The following LGSN variants were observed in gnomAD, a reference collection of about 807,000 sequenced individuals.
LGSN encodes the protein lengsin.
In LGSN, 21 loss-of-function variants were observed where a neutral mutation model predicts 19.5. The ratio of observed to expected loss-of-function variants is 1.07; its 90% CI spans 0.76 to 1.55. The LOEUF is 1.55. Among genes scored for constraint, LGSN ranks in the 40% most tolerant of loss-of-function variants. The pLI is 0.00. For synonymous variants in LGSN, 257 were observed against 215.6 expected, an observed-to-expected ratio of 1.19 and a Z score of -1.68; for missense variants, 673 against 608.5, an observed-to-expected ratio of 1.11 and a Z score of -1.12.
chr6:63,470,429 G>A, the LGSN span, among the ~76,000 whole-genome samples: 7 of 149,846 alleles, frequency 4.7e-5, no homozygotes, highest in Non-Finnish European at 1.0e-4. Context: ...AGCAGAGATC[G>A]CACCACTGCA....
At chr6:63,339,530 C>A in the LGSN span, among the ~76,000 whole-genome samples, 6 of 152,252 alleles carry the variant, frequency 3.9e-5, no homozygotes, top group East Asian at 1.2e-3. Flanking sequence ...ATGGAATATT[C>A]TTTTCCTTCC....
chr6:63,370,007 AAG>A, the LGSN span, among the ~76,000 whole-genome samples: 1 of 117,888 alleles, frequency 8.5e-6, no homozygotes, highest in African/African-American at 5.9e-5. Context: ...GTATCCAAAA[AAG>A]AAGAAGAAGA....
chr6:63,477,743 A>T, the LGSN span, among the ~76,000 whole-genome samples: 1 of 108,950 alleles, frequency 9.2e-6, no homozygotes, highest in Non-Finnish European at 1.7e-5. Flanking sequence ...TCTGTTGGCC[A>T]GACTAGTCTC....
At position 63,314,687 on chromosome 6, in the gene LGSN, C is replaced by T. The variant is rs546812230; in HGVS notation, c.30+5227G>A. ...TAAGAAAAGGTGGAGGGTTGTGATG[C>T]TTCCAATTTTCCCTTTAGGGTAAGA... On this transcript the variant is annotated intron_variant, in intron 1 of 3. Coordinates refer to ENST00000370657, the MANE Select transcript of LGSN (RefSeq NM_016571.3). Among the ~76,000 whole-genome samples, 26 of 152,246 alleles carry T rather than the reference C, an allele frequency of 1.7e-4. No individual in the cohort carries two copies. The South Asian group carries it at 5.0e-3, about 29-fold the overall frequency.
the LGSN span, among the ~76,000 whole-genome samples, chr6:63,407,836 G>A: frequency 6.6e-6 from 1 of 152,116 alleles, no homozygotes; most frequent in Non-Finnish European, 1.5e-5. Flanking sequence ...CAAAGTCTCA[G>A]GATACAAAAT....
the LGSN span, among the ~76,000 whole-genome samples, chr6:63,517,534 TAAC>T: frequency 1.3e-5 from 2 of 152,022 alleles, no homozygotes; most frequent in Non-Finnish European, 2.9e-5. Context: ...TAACCTCAAT[TAAC>T]AACAATAGCA....
At chr6:63,288,226 CAAAAAAAT>C (rs1767618723) in intron 2 of LGSN, among the ~76,000 whole-genome samples, 1 of 108,228 alleles carries the variant, frequency 9.2e-6, no homozygotes, top group Non-Finnish European at 2.1e-5. Flanking sequence ...GACTCCATCT[CAAAAAAAT>C]AAATAAATAA....
At chr6:63,283,537 A>G (rs1313467316) in intron 3 of LGSN, among the ~76,000 whole-genome samples, 2 of 151,986 alleles carry the variant, frequency 1.3e-5, no homozygotes, top group African/African-American at 2.4e-5. Flanking sequence ...TAGAACAGAG[A>G]TAATATAAGT....
the LGSN span, among the ~76,000 whole-genome samples, chr6:63,356,363 A>C: frequency 9.9e-5 from 15 of 152,036 alleles, no homozygotes; most frequent in Non-Finnish European, 2.2e-4. Context: ...AACATGATGA[A>C]ACCCCATCTC....
At chr6:63,397,111 A>G in the LGSN span, 2 of 152,308 alleles carry the variant, frequency 1.3e-5, no homozygotes, top group African/African-American at 4.8e-5. Flanking sequence ...CTTGGCCTAT[A>G]GAAGCACTAC....
the LGSN span, among the ~76,000 whole-genome samples, chr6:63,389,554 T>C: frequency 1.5e-4 from 23 of 152,234 alleles, no homozygotes; most frequent in African/African-American, 5.5e-4. Context: ...GAACTGTGTT[T>C]AACCTTAAGG....
At chr6:63,515,538 A>G in the LGSN span, among the ~76,000 whole-genome samples, 1 of 152,146 alleles carries the variant, frequency 6.6e-6, no homozygotes, top group Non-Finnish European at 1.5e-5. Context: ...GCCTCTAAAA[A>G]ATATTGATAA....
the LGSN span, among the ~76,000 whole-genome samples, chr6:63,429,719 G>A: frequency 1.3e-4 from 18 of 139,478 alleles, no homozygotes; most frequent in Admixed American, 3.0e-4. Flanking sequence ...TCCATGGACA[G>A]AGCAAGACTC....
the LGSN span, among the ~76,000 whole-genome samples, chr6:63,357,756 C>T: frequency 1.5e-4 from 23 of 152,156 alleles, no homozygotes; most frequent in South Asian, 8.3e-4. Flanking sequence ...AAGTAGGTTG[C>T]GAAAATTTTC....
At chr6:63,540,969 C>T in the LGSN span, among the ~76,000 whole-genome samples, 1 of 150,304 alleles carries the variant, frequency 6.7e-6, no homozygotes, top group East Asian at 2.0e-4. Flanking sequence ...CGCCAGTGCA[C>T]TCCAGCCTGG....
the LGSN span, among the ~76,000 whole-genome samples, chr6:63,425,317 G>T: frequency 1.3e-5 from 2 of 152,194 alleles, no homozygotes; most frequent in African/African-American, 2.4e-5. Context: ...ACCTGTACAT[G>T]AATGCTTATA....
chr6:63,423,855 TG>T, the LGSN span, among the ~76,000 whole-genome samples: 3 of 152,094 alleles, frequency 2.0e-5, no homozygotes, highest in African/African-American at 7.2e-5. Flanking sequence ...CTGGCCAACG[TG>T]GTGAAACCCC....
intron 2 of LGSN, among the ~76,000 whole-genome samples, chr6:63,292,310 A>C (rs1279186187): frequency 1.3e-5 from 2 of 152,154 alleles, no homozygotes; most frequent in Non-Finnish European, 2.9e-5. Flanking sequence ...AAAGATAATA[A>C]GTTTGTGTTT....
intron 1 of LGSN, among the ~76,000 whole-genome samples, chr6:63,297,484 G>T (rs541705782): frequency 6.6e-6 from 1 of 151,970 alleles, no homozygotes; most frequent in African/African-American, 2.4e-5. Context: ...TCAGTCCTTT[G>T]GTTTTCTTTT....
Sources: gnomAD v4.1 joint callset for allele counts (sites outside exome capture counted in the v4.1 genomes callset) on GRCh38, gnomAD v4.1.1 for gene constraint, MANE v1.5 for transcripts, NCBI Gene and HGNC (gene_info 2026-07-23, HGNC 2026-07-21) for gene names.